TRIM5: variants seen among roughly 807,000 people sequenced by gnomAD.
The protein encoded by TRIM5 is tripartite motif containing 5.
A neutral mutation model predicts 35.6 loss-of-function variants in TRIM5; 31 were observed. That is an observed-to-expected ratio of 0.87 (90% CI 0.65 to 1.18). The LOEUF (loss-of-function observed/expected upper bound fraction) is 1.18. Among genes scored for constraint, TRIM5 ranks in the 50% most tolerant of loss-of-function variants. The pLI is 0.00. For missense variants in TRIM5, 609 were observed against 591.6 expected (o/e 1.03, Z -0.31); for synonymous variants, 243 against 215.6 (o/e 1.13, Z -1.11).
chr11:5,588,692 C>T, the TRIM5 span, among the ~76,000 whole-genome samples: 1 of 147,742 alleles, frequency 6.8e-6, no homozygotes, highest in East Asian at 2.0e-4. Flanking sequence ...GTTTACATGT[C>T]TATGTTGACA....
the TRIM5 span, among the ~76,000 whole-genome samples, chr11:5,613,996 G>A: frequency 6.6e-6 from 1 of 152,098 alleles, no homozygotes; most frequent in Non-Finnish European, 1.5e-5. Context: ...AGTACTTGCT[G>A]GAATTCTATA....
Position 5,678,323 on chromosome 11 carries a change from C to G in TRIM5, c.625G>C (p.Asp209His). The G allele has an allele frequency of 6.2e-7, 1 of 1,614,086 alleles. No individual in the cohort carries two copies. Among genetic ancestry groups the G allele is most frequent in the Non-Finnish European group, 8.5e-7 (1 of 1,179,940 alleles). The stretch of plus-strand genomic sequence containing the variant: ...GAGTTCGTAAGGCTTTTCAGAATGT[C>G]TTCCTCCTCCTTCTCCAGGTTTTGC... ...ELQNLEKEEE[D>H]ILKSLTNSET... Residue 209 changes from aspartate (D) to histidine (H), a missense_variant, in exon 4 of 8, where the codon GAC (aspartate) becomes CAC (histidine). By Grantham distance (81) the Asp-to-His change is moderately conservative (BLOSUM62 -1). Transcript: ENST00000380034.
the TRIM5 span, among the ~76,000 whole-genome samples, chr11:5,638,687 T>C: frequency 6.6e-6 from 1 of 152,324 alleles, no homozygotes; most frequent in Non-Finnish European, 1.5e-5. Context: ...AAGGAAACAA[T>C]ATGGCTGGAG....
At chr11:5,650,147 A>C in the TRIM5 span, among the ~76,000 whole-genome samples, 2 of 152,202 alleles carry the variant, frequency 1.3e-5, no homozygotes, top group Non-Finnish European at 2.9e-5. Context: ...ATGTAAAGCA[A>C]ATCTGTATCC....
At chr11:5,614,221 C>CT in the TRIM5 span, among the ~76,000 whole-genome samples, 1 of 152,150 alleles carries the variant, frequency 6.6e-6, no homozygotes, top group African/African-American at 2.4e-5. Flanking sequence ...TAATGTAAAA[C>CT]AATCGGTCAT....
the TRIM5 span, among the ~76,000 whole-genome samples, chr11:5,623,658 G>C: frequency 3.0e-3 from 458 of 151,932 alleles, 1 homozygote; most frequent in Non-Finnish European, 5.0e-3. Context: ...GGGATTACAG[G>C]TGTGAGCCAC....
chr11:5,598,379 A>C, the TRIM5 span, among the ~76,000 whole-genome samples: 1 of 152,146 alleles, frequency 6.6e-6, no homozygotes, highest in Non-Finnish European at 1.5e-5. Flanking sequence ...TCTGCTCAAG[A>C]ATTTTTCTCT....
intron 4 of TRIM5, among the ~76,000 whole-genome samples, chr11:5,671,341 A>G (rs910573670): frequency 2.6e-5 from 4 of 151,864 alleles, no homozygotes; most frequent in Admixed American, 2.6e-4. Flanking sequence ...AAAACAATAA[A>G]TAGAAAATAT....
downstream of TRIM5, chr11:5,663,188 C>T: frequency 4.4e-6 from 4 of 911,644 alleles, no homozygotes; most frequent in South Asian, 5.1e-5. Context: ...TGGATTACCC[C>T]TTACATGCTA....
chr11:5,601,878 A>G, the TRIM5 span, among the ~76,000 whole-genome samples: 1 of 152,136 alleles, frequency 6.6e-6, no homozygotes, highest in South Asian at 2.1e-4. Context: ...AAGAAGTGGA[A>G]GTGTTTTCAC....
At chr11:5,616,106 A>G in the TRIM5 span, among the ~76,000 whole-genome samples, 6 of 145,904 alleles carry the variant, frequency 4.1e-5, no homozygotes, top group East Asian at 2.1e-4. Flanking sequence ...GCCCACCACC[A>G]CGCCCGGCTA....
the TRIM5 span, among the ~76,000 whole-genome samples, chr11:5,593,218 T>C: frequency 6.6e-6 from 1 of 152,268 alleles, no homozygotes; most frequent in Non-Finnish European, 1.5e-5. Context: ...AGGCCTATCC[T>C]GAATTCTCAA....
At chr11:5,596,550 T>TC in the TRIM5 span, 1 of 46,318 alleles carries the variant, frequency 2.2e-5, no homozygotes, top group South Asian at 9.4e-4. Context: ...CCTTCCCCCT[T>TC]CCCCCTTCCC....
the TRIM5 span, chr11:5,642,383 CA>C: frequency 5.0e-6 from 8 of 1,607,598 alleles, no homozygotes; most frequent in South Asian, 4.4e-5. Context: ...ATGTGGGGGT[CA>C]AAAAATTTTT....
the TRIM5 span, among the ~76,000 whole-genome samples, chr11:5,624,195 C>T: frequency 6.6e-6 from 1 of 152,188 alleles, no homozygotes; most frequent in Non-Finnish European, 1.5e-5. Flanking sequence ...TTCTCAGCCT[C>T]AGATTCGCGT....
chr11:5,614,230 A>T, the TRIM5 span, among the ~76,000 whole-genome samples: 1 of 152,242 alleles, frequency 6.6e-6, no homozygotes, highest in East Asian at 1.9e-4. Flanking sequence ...ACAATCGGTC[A>T]TGAGTGTATG....
the TRIM5 span, chr11:5,655,578 T>A: frequency 7.6e-6 from 7 of 921,466 alleles, no homozygotes; most frequent in Non-Finnish European, 9.1e-6. Context: ...AACATTCATT[T>A]CTTGGTCATC....
At chr11:5,605,189 C>T in the TRIM5 span, 1 of 1,072,524 alleles carries the variant, frequency 9.3e-7, no homozygotes, top group East Asian at 2.4e-5. Context: ...GAACAGGCTA[C>T]AAAGGCTTTC....
At chr11:5,634,533 AT>A in the TRIM5 span, 1 of 677,872 alleles carries the variant, frequency 1.5e-6, no homozygotes, top group Non-Finnish European at 2.2e-6. Context: ...ACACACACAT[AT>A]ATATATATAT....
Sources: gnomAD v4.1 joint callset for allele counts (sites outside exome capture counted in the v4.1 genomes callset) on GRCh38, gnomAD v4.1.1 for gene constraint, MANE v1.5 for transcripts, NCBI Gene and HGNC (gene_info 2026-07-23, HGNC 2026-07-21) for gene names.